The following SMAD1 variants were observed in gnomAD, a reference collection of about 807,000 sequenced individuals.
SMAD1 encodes MAD, mothers against decapentaplegic homolog 1.
SMAD1 carries 6 observed loss-of-function variants against 41.6 expected under a neutral mutation model. The observed-to-expected ratio is 0.14, with a 90% CI of 0.08 to 0.28. SMAD1 has a LOEUF of 0.28. Among genes scored for constraint, SMAD1 ranks in the 10% least tolerant of loss-of-function variants. The pLI is 1.00. For synonymous variants in SMAD1, 206 were observed against 203.2 expected, an observed-to-expected ratio of 1.01 and a Z score of -0.12; for missense variants, 379 against 582.6, an observed-to-expected ratio of 0.65 and a Z score of 3.60.
intron 5 of SMAD1, among the ~76,000 whole-genome samples, chr4:145,550,193 C>G (rs1489899539): frequency 6.6e-6 from 1 of 152,068 alleles, no homozygotes; most frequent in Non-Finnish European, 1.5e-5. Flanking sequence ...GGGATAGATT[C>G]TTGAAGTGAA....
At chr4:145,540,996 T>C (rs1045694402) in intron 3 of SMAD1, among the ~76,000 whole-genome samples, 1 of 152,206 alleles carries the variant, frequency 6.6e-6, no homozygotes, top group Non-Finnish European at 1.5e-5. Context: ...TTAAATCTTG[T>C]TTATTTCACA....
At chr4:145,528,003 C>T (rs974268906) in intron 2 of SMAD1, among the ~76,000 whole-genome samples, 7 of 151,950 alleles carry the variant, frequency 4.6e-5, no homozygotes, top group Middle Eastern at 3.2e-3. Flanking sequence ...GCCTCAGCCT[C>T]CCGAGTGTCT....
At chr4:145,550,563 A>G (rs566020162) in intron 5 of SMAD1, among the ~76,000 whole-genome samples, 3 of 152,216 alleles carry the variant, frequency 2.0e-5, no homozygotes, top group South Asian at 2.1e-4. Context: ...AAATACAGAC[A>G]TACATAAAAT....
intron 4 of SMAD1, 111 bp downstream of exon 4, chr4:145,542,809 T>C (rs184337216): frequency 5.5e-5 from 38 of 695,238 alleles, no homozygotes; most frequent in Non-Finnish European, 4.2e-5. Context: ...TTGAGAAAAA[T>C]AGAGTCCAAT....
chr4:145,527,012 A>G (rs184663256), intron 2 of SMAD1, among the ~76,000 whole-genome samples: 1 of 152,312 alleles, frequency 6.6e-6, no homozygotes, highest in East Asian at 1.9e-4. Context: ...TTGAAACAAT[A>G]TGACTGAAAT....
At chr4:145,489,795 A>C (rs1452755623) in intron 1 of SMAD1, among the ~76,000 whole-genome samples, 1 of 152,208 alleles carries the variant, frequency 6.6e-6, no homozygotes, top group Non-Finnish European at 1.5e-5. Flanking sequence ...GTATTCTGAG[A>C]CAACCACAAA....
Position 145,542,830 on chromosome 4 carries a change from G to A in SMAD1, c.775+132G>A, listed in dbSNP as rs1415632275. 2.3e-5 allele frequency: 13 copies of A among 572,636 alleles called. No homozygotes were observed. In the East Asian group the frequency reaches 3.0e-4, roughly 13 times the overall value. 35.5% of individuals were successfully genotyped at this position (572,636 alleles called of 1,614,324 possible). ...AAAATAGAGTCCAATGTTAAGAGAA[G>A]CTCACTACAATTGCTGGATAACAAG... On this transcript the variant is annotated intron_variant, in intron 4 of 6. Coordinates refer to ENST00000302085, the MANE Select transcript of SMAD1 (RefSeq NM_005900.3).
At chr4:145,517,538 G>A (rs1176819061) in intron 2 of SMAD1, among the ~76,000 whole-genome samples, 1 of 152,036 alleles carries the variant, frequency 6.6e-6, no homozygotes, top group African/African-American at 2.4e-5. Context: ...AGTAAATAAA[G>A]CTCCATGAGG....
intron 6 of SMAD1, among the ~76,000 whole-genome samples, chr4:145,555,610 A>G (rs534247525): frequency 6.6e-6 from 1 of 152,340 alleles, no homozygotes; most frequent in Non-Finnish European, 1.5e-5. Context: ...TTGTTTACCC[A>G]ATCAATTTTA....
chr4:145,546,712 C>A lies in SMAD1; in HGVS notation c.785C>A (p.Ala262Glu), dbSNP rs1321891857. 1.2e-6 allele frequency: 2 copies of A among 1,611,366 alleles called. No individual in the cohort carries two copies. The highest frequency in any genetic ancestry group is 1.3e-5 in the African/African-American group (1 of 74,840). ...PSEINRGDVQ[A>E]VAYEEPKHWC... is the part of the protein sequence containing the mutation. ...ATTTTCTTTCCTCTAGATGTTCAGG[C>A]GGTTGCTTATGAGGAACCAAAACAC... is the stretch of plus-strand genomic sequence containing the variant. Residue 262 changes from alanine to glutamate, a missense_variant, in exon 5 of 7, where the codon GCG (alanine) becomes GAG (glutamate). Transcript: ENST00000302085.
chr4:145,548,317 C>T (rs1308190637), intron 5 of SMAD1, among the ~76,000 whole-genome samples: 1 of 152,076 alleles, frequency 6.6e-6, no homozygotes, highest in African/African-American at 2.4e-5. Flanking sequence ...CAACCTCCAC[C>T]TCCCAGGTTC....
intron 2 of SMAD1, among the ~76,000 whole-genome samples, chr4:145,529,832 C>T (rs1471984118): frequency 1.3e-5 from 2 of 152,128 alleles, no homozygotes; most frequent in Non-Finnish European, 2.9e-5. Flanking sequence ...ATGTAGTAAC[C>T]ATTTGTCTTC....
rs1730240943 is a variant in SMAD1 at position 145,514,047 on chromosome 4, A to G, written c.-176-391A>G. Among the ~76,000 whole-genome samples, 1 of 152,186 alleles carries G rather than the reference A, an allele frequency of 6.6e-6. No individual in the cohort carries two copies. The highest frequency in any genetic ancestry group is 6.5e-5 in the Admixed American group (1 of 15,280). ...ATTTTCTCTTTGTTCTGGAGTCTGG[A>G]AAGTCCAAGATCAAGGTTCTGGACA... On this transcript the variant is annotated intron_variant, in intron 1 of 6. Coordinates refer to ENST00000302085, the MANE Select transcript of SMAD1 (RefSeq NM_005900.3). This position sits in a 1 kb window ranked among gnomAD's most constrained non-coding sequence, Gnocchi z 4.7.
intron 1 of SMAD1, among the ~76,000 whole-genome samples, chr4:145,511,612 C>A (rs989327850): frequency 3.9e-5 from 6 of 152,214 alleles, no homozygotes; most frequent in African/African-American, 9.6e-5. Context: ...TAATTTTTAA[C>A]TTATTCTCTC....
chr4:145,522,312 A>G (rs1465993020), intron 2 of SMAD1, among the ~76,000 whole-genome samples: 1 of 151,212 alleles, frequency 6.6e-6, no homozygotes, highest in Non-Finnish European at 1.5e-5. Context: ...AAAACAAACA[A>G]AAAAATGGTC....
Position 145,494,013 on chromosome 4 carries a change from G to A in SMAD1, c.-177+11975G>A, listed in dbSNP as rs548360447. ...GTCTCACCCTGTCGCCCAGGCTGGA[G>A]TGCAGTGGCGTGATCTTGGCTCACT... On this transcript the variant is annotated intron_variant, in intron 1 of 6. Coordinates refer to ENST00000302085, the MANE Select transcript of SMAD1 (RefSeq NM_005900.3). Among the ~76,000 whole-genome samples the A allele has an allele frequency of 1.8e-3, 273 of 152,312 alleles. 3 individuals carry two copies. The highest frequency in any genetic ancestry group is 5.6e-3 in the African/African-American group (233 of 41,572).
intron 2 of SMAD1, among the ~76,000 whole-genome samples, chr4:145,527,664 C>T (rs1257053035): frequency 6.6e-6 from 1 of 152,060 alleles, no homozygotes; most frequent in Non-Finnish European, 1.5e-5. Context: ...AAAATCCATG[C>T]TGCTAACCAC....
rs1732076502 is a variant in SMAD1, at chr4:145,543,646, A to C, written c.775+948A>C. On this transcript the variant is annotated intron_variant, in intron 4 of 6. Transcript: ENST00000302085. ...CTGTATATATCCTTAGCAGTGACCG[A>C]GTGGAGGATGCCATCATTCTTCCAG... Among the ~76,000 whole-genome samples the C allele has an allele frequency of 2.0e-5, 3 of 152,134 alleles. No individual in the cohort carries two copies. In the South Asian group the frequency reaches 6.2e-4, roughly 31 times the overall value.
At chr4:145,543,017 C>T (rs1180556840) in intron 4 of SMAD1, among the ~76,000 whole-genome samples, 1 of 151,850 alleles carries the variant, frequency 6.6e-6, no homozygotes, top group Non-Finnish European at 1.5e-5. Flanking sequence ...TCTGGTCACC[C>T]AGGCTGGAGC....
Sources: allele counts gnomAD v4.1 joint callset (sites outside exome capture counted in the v4.1 genomes callset), GRCh38; gene constraint gnomAD v4.1.1; non-coding constraint Gnocchi (gnomAD v3.1); transcripts MANE v1.5; gene names NCBI Gene and HGNC (gene_info 2026-07-23, HGNC 2026-07-21).